The following TDRD3 variants were observed in gnomAD, a reference collection of about 807,000 sequenced individuals.
The protein encoded by TDRD3 is tudor domain containing 3, also known as tudor domain-containing protein 3.
TDRD3 carries 45 observed loss-of-function variants against 86.7 expected under a neutral mutation model. The ratio of observed to expected loss-of-function variants is 0.52; its 90% confidence interval spans 0.41 to 0.67. The LOEUF is 0.67. Among genes scored for constraint, TDRD3 ranks in the 30% least tolerant of loss-of-function variants. The pLI, the probability that TDRD3 is intolerant of heterozygous loss-of-function variation, is 0.00. For synonymous variants in TDRD3, 298 were observed against 301.7 expected, an observed-to-expected ratio of 0.99 and a Z score of 0.13; for missense variants, 814 against 889.0, an observed-to-expected ratio of 0.92 and a Z score of 1.07.
At chr13:60,463,915 G>A (rs984317074) in intron 4 of TDRD3, among the ~76,000 whole-genome samples, 3 of 152,164 alleles carry the variant, frequency 2.0e-5, no homozygotes, top group African/African-American at 7.2e-5. Context: ...GTGGGGCCTA[G>A]TGGGAAGTAT....
intron 1 of TDRD3, among the ~76,000 whole-genome samples, chr13:60,426,497 A>G (rs1954812953): frequency 1.3e-5 from 2 of 152,358 alleles, no homozygotes; most frequent in South Asian, 2.1e-4. Context: ...TTTACTATCT[A>G]TATGTATCCT....
chr13:60,497,203 A>G (rs1956737887), intron 8 of TDRD3, among the ~76,000 whole-genome samples: 1 of 152,166 alleles, frequency 6.6e-6, no homozygotes, highest in South Asian at 2.1e-4. Flanking sequence ...GCGAAAGCTC[A>G]GCTTGAGTCT....
intron 3 of TDRD3, among the ~76,000 whole-genome samples, chr13:60,454,336 A>T (rs570506790): frequency 1.3e-5 from 2 of 152,022 alleles, no homozygotes; most frequent in Non-Finnish European, 2.9e-5. Context: ...ATTATTTTGT[A>T]GTCTGTGTTT....
chr13:60,401,406 A>G (rs1449331669), intron 1 of TDRD3, among the ~76,000 whole-genome samples: 2 of 152,164 alleles, frequency 1.3e-5, no homozygotes, highest in Non-Finnish European at 2.9e-5. Flanking sequence ...ACTACACTAC[A>G]CTATTTTGTG....
At chr13:60,535,071 C>A (rs1450774831) in intron 11 of TDRD3, 37 bp from the exon 12 acceptor site, 4 of 1,608,454 alleles carry the variant, frequency 2.5e-6, no homozygotes, top group South Asian at 1.1e-5. Context: ...ATAGACAATA[C>A]CAGTTGTCAT....
At chr13:60,523,461 C>T (rs921771346) in intron 10 of TDRD3, among the ~76,000 whole-genome samples, 1 of 151,970 alleles carries the variant, frequency 6.6e-6, no homozygotes, top group African/African-American at 2.4e-5. Flanking sequence ...TCAAATCATA[C>T]TAAACTCATA....
At chr13:60,555,260 G>A (rs1038078104) in intron 12 of TDRD3, among the ~76,000 whole-genome samples, 15 of 152,118 alleles carry the variant, frequency 9.9e-5, no homozygotes, top group Non-Finnish European at 2.1e-4. Flanking sequence ...ATAACAAGAT[G>A]ATATATTCTC....
chr13:60,560,116 AT>A (rs554819536), intron 12 of TDRD3, among the ~76,000 whole-genome samples: 329 of 152,296 alleles, frequency 2.2e-3, no homozygotes, highest in Non-Finnish European at 3.5e-3. Context: ...GAAGCAAGAA[AT>A]GGAAATATAT....
At chr13:60,520,833 GT>G (rs35469164) in intron 10 of TDRD3, among the ~76,000 whole-genome samples, 152,317 of 152,332 alleles carry the variant, frequency 1, 76,151 homozygotes, top group Non-Finnish European at 1. Flanking sequence ...CTGCTCAGTG[GT>G]TAGGACTGGA....
At chr13:60,565,217 G>A (rs1958426747) in intron 12 of TDRD3, among the ~76,000 whole-genome samples, 2 of 151,814 alleles carry the variant, frequency 1.3e-5, no homozygotes, top group South Asian at 4.2e-4. Flanking sequence ...CACCGCGCCC[G>A]GCTAATTTTT....
intron 11 of TDRD3, among the ~76,000 whole-genome samples, chr13:60,530,747 G>A (rs1167489318): frequency 4.6e-5 from 7 of 151,788 alleles, no homozygotes; most frequent in Non-Finnish European, 8.8e-5. Context: ...GAGCCACCAC[G>A]CCCGGCCCAA....
chr13:60,562,814 A>AT (rs937064517), intron 12 of TDRD3, among the ~76,000 whole-genome samples: 97 of 150,110 alleles, frequency 6.5e-4, no homozygotes, highest in African/African-American at 2.0e-3. Context: ...CTAAGTTTTT[A>AT]TTTTTTTTTT....
At chr13:60,456,692 T>G (rs916438370) in intron 3 of TDRD3, among the ~76,000 whole-genome samples, 19 of 152,156 alleles carry the variant, frequency 1.2e-4, no homozygotes, top group African/African-American at 4.3e-4. Flanking sequence ...GTGGATGTTT[T>G]AGATGACTTT....
At chr13:60,444,238 G>A (rs1200049212) in intron 2 of TDRD3, among the ~76,000 whole-genome samples, 1 of 151,768 alleles carries the variant, frequency 6.6e-6, no homozygotes, top group African/African-American at 2.4e-5. Context: ...ATAGCTTTAT[G>A]TTACAGATAT....
chr13:60,493,886 G>T (rs1053727854), intron 7 of TDRD3, among the ~76,000 whole-genome samples: 2 of 152,066 alleles, frequency 1.3e-5, no homozygotes, highest in Non-Finnish European at 2.9e-5. Flanking sequence ...GGCCAAATAA[G>T]AAATACAGAC....
At chr13:60,468,994 A>C (rs1292577923) in intron 5 of TDRD3, among the ~76,000 whole-genome samples, 7 of 152,138 alleles carry the variant, frequency 4.6e-5, no homozygotes, top group Admixed American at 4.6e-4. Flanking sequence ...CTATTTTCTT[A>C]GTTGGGAAGT....
chr13:60,487,664 C>G (rs1302557447), intron 7 of TDRD3, among the ~76,000 whole-genome samples: 1 of 152,072 alleles, frequency 6.6e-6, no homozygotes, highest in African/African-American at 2.4e-5. Context: ...TTTTCTTTAT[C>G]CCTTCATCTG....
intron 12 of TDRD3, among the ~76,000 whole-genome samples, chr13:60,556,943 G>T (rs1055723042): frequency 6.6e-6 from 1 of 152,130 alleles, no homozygotes; most frequent in East Asian, 1.9e-4. Flanking sequence ...AGTGGCTGAC[G>T]CCTGTAATCC....
intron 12 of TDRD3, among the ~76,000 whole-genome samples, chr13:60,566,856 G>C (rs1047238991): frequency 6.6e-6 from 1 of 152,052 alleles, no homozygotes; most frequent in African/African-American, 2.4e-5. Flanking sequence ...CCTTGAACTG[G>C]TAGATATACC....
Sources: allele counts gnomAD v4.1 joint callset (sites outside exome capture counted in the v4.1 genomes callset), GRCh38; gene constraint gnomAD v4.1.1; transcripts MANE v1.5; gene names NCBI Gene and HGNC (gene_info 2026-07-23, HGNC 2026-07-21).